The following MINDY2 variants were observed in gnomAD, a reference collection of about 807,000 sequenced individuals.
MINDY2 encodes MINDY lysine 48 deubiquitinase 2.
Under a neutral mutation model 68.2 loss-of-function variants are expected in MINDY2, and 52 were observed. The observed-to-expected ratio is 0.76, with a 90% CI of 0.61 to 0.96. The LOEUF (loss-of-function observed/expected upper bound fraction) is 0.96. MINDY2 is among the 40% of genes least tolerant of loss of function. The pLI, the probability that MINDY2 is intolerant of heterozygous loss-of-function variation, is 0.00. For synonymous variants in MINDY2, 372 were observed against 303.0 expected (o/e 1.23, Z -2.36); for missense variants, 881 against 773.4 (o/e 1.14, Z -1.65).
intron 6 of MINDY2, among the ~76,000 whole-genome samples, chr15:58,840,969 ATT>A (rs371021666): frequency 1.3e-4 from 17 of 132,438 alleles, no homozygotes; most frequent in Admixed American, 3.8e-4. Flanking sequence ...CGCCTGGCCA[ATT>A]TTTTTTTTTT....
intron 6 of MINDY2, among the ~76,000 whole-genome samples, chr15:58,833,352 G>A (rs1420117356): frequency 6.6e-6 from 1 of 152,152 alleles, no homozygotes; most frequent in African/African-American, 2.4e-5. Context: ...TGAAGGAGTG[G>A]GTTGCCCCTC....
chr15:58,851,929 AGCAGCTGC>A lies in MINDY2; in HGVS notation c.1702_1709del (p.Ala568CysfsTer27). The A allele has an allele frequency of 6.3e-7, 1 of 1,592,882 alleles. No homozygotes were observed. The highest frequency in any genetic ancestry group is 8.5e-7 in the Non-Finnish European group (1 of 1,174,830). On this transcript the variant is annotated frameshift_variant, in exon 8 of 9. Transcript: ENST00000559228. LOFTEE classifies it high-confidence loss of function. ...AATACTATCAGGAACAGGAACAAGCAGCAGCTGCTGCTGCTGCTGCTTCTACACAGGCT... is the reference window on the plus strand; with the variant it reads ...AATACTATCAGGAACAGGAACAAGCATGCTGCTGCTGCTTCTACACAGGCT...
rs2033006289 is a variant in MINDY2, at chr15:58,854,840, A to G, written c.*230A>G. The G allele has an allele frequency of 6.2e-6, 2 of 323,478 alleles. No homozygotes were observed. Among genetic ancestry groups the G allele is most frequent in the South Asian group, 1.0e-4 (2 of 19,968 alleles). 20.0% of individuals were successfully genotyped at this position (323,478 alleles called of 1,614,324 possible). On this transcript the variant is annotated 3_prime_UTR_variant, in exon 9 of 9. Transcript: ENST00000559228. ...CAAGTTGGAAATGCTGTGTGTTGAC[A>G]TTCATGAAAAATACTGCACTTGTAG...
chr15:58,847,080 G>A (rs962187794), intron 6 of MINDY2, among the ~76,000 whole-genome samples: 1 of 152,116 alleles, frequency 6.6e-6, no homozygotes, highest in South Asian at 2.1e-4. Flanking sequence ...CTTATTTCTT[G>A]TTATAGTGTA....
intron 1 of MINDY2, among the ~76,000 whole-genome samples, chr15:58,784,424 TATTA>T (rs1243365297): frequency 6.6e-6 from 1 of 152,196 alleles, no homozygotes; most frequent in Non-Finnish European, 1.5e-5. Context: ...ATTTGGCCTC[TATTA>T]ATTGGGAGCT....
At chr15:58,831,739 ATTC>A in intron 5 of MINDY2, 32 bp from the exon 6 acceptor site, 1 of 1,554,640 alleles carries the variant, frequency 6.4e-7, no homozygotes, top group Non-Finnish European at 8.7e-7. Context: ...TTTTGAAATT[ATTC>A]TTCTATCTAA....
At chr15:58,853,440 A>T (rs2140875846) in intron 8 of MINDY2, among the ~76,000 whole-genome samples, 1 of 152,244 alleles carries the variant, frequency 6.6e-6, no homozygotes, top group South Asian at 2.1e-4. Context: ...TGTTATGTGT[A>T]GGTTTTCACT....
At chr15:58,794,370 T>G (rs982351485) in intron 2 of MINDY2, among the ~76,000 whole-genome samples, 1 of 150,198 alleles carries the variant, frequency 6.7e-6, no homozygotes, top group African/African-American at 2.5e-5. Context: ...TGTGTGTGTG[T>G]GTGTGTGTGT....
In MINDY2 at chr15:58,861,176, T is replaced by C. The variant is rs1020686955; in HGVS notation, c.*6566T>C. On this transcript the variant is annotated 3_prime_UTR_variant, in exon 9 of 9. Transcript: ENST00000559228. ...ATATTTTGAGGAGTAGCAAGTGGAA[T>C]GGTATAATGACTACAGAGAAAATTA... The C allele has an allele frequency of 1.3e-5, 2 of 152,202 alleles. No individual in the cohort carries two copies. Among genetic ancestry groups the C allele is most frequent in the Non-Finnish European group, 2.9e-5 (2 of 68,036 alleles). The allele number at this position is 152,202 out of a possible 1,614,324, so 9.4% of individuals were successfully genotyped here. A position where few individuals can be genotyped will look rare whatever the true frequency, so the allele number is the denominator to read the frequency against.
In MINDY2 at chr15:58,771,734, G is replaced by A. The variant is rs772777415; in HGVS notation, c.339G>A (p.Glu113=). 1.2e-6 allele frequency: 2 copies of A among 1,611,874 alleles called. No homozygotes were observed. Among genetic ancestry groups the A allele is most frequent in the African/African-American group, 1.3e-5 (1 of 74,924 alleles). The change falls in exon 1 of 9, where the codon GAG becomes GAA. Residue 113 remains glutamate (E), a synonymous_variant. Coordinates refer to ENST00000559228, the MANE Select transcript of MINDY2 (RefSeq NM_001040450.3). ...AGTACAAGGTGACCGCCTCCCCGGA[G>A]ACAGCCGTGGCCGGAGTGGGTCATG... ...RGQYKVTASP[E]TAVAGVGHEL... is the part of the protein sequence containing the mutation.
At chr15:58,843,608 A>T (rs1165799224) in intron 6 of MINDY2, among the ~76,000 whole-genome samples, 1 of 152,098 alleles carries the variant, frequency 6.6e-6, no homozygotes, top group Non-Finnish European at 1.5e-5. Flanking sequence ...ACTTGTATTA[A>T]CAACATACCT....
intron 2 of MINDY2, among the ~76,000 whole-genome samples, chr15:58,791,810 AC>A (rs1213161030): frequency 6.6e-6 from 1 of 152,066 alleles, no homozygotes; most frequent in African/African-American, 2.4e-5. Flanking sequence ...ACATATATAA[AC>A]AGTAGTTAGA....
chr15:58,821,679 T>TC (rs1470108434), intron 4 of MINDY2, 38 bp from the exon 5 acceptor site: 1 of 1,308,106 alleles, frequency 7.6e-7, no homozygotes, highest in African/African-American at 1.5e-5. Context: ...TTGTTCCTAA[T>TC]CTTACCATGA....
intron 6 of MINDY2, among the ~76,000 whole-genome samples, chr15:58,840,053 C>T (rs1174392528): frequency 6.6e-6 from 1 of 152,126 alleles, no homozygotes; most frequent in Non-Finnish European, 1.5e-5. Flanking sequence ...AGCCTAGTCT[C>T]GAACTCCTGA....
At chr15:58,776,966 C>T (rs1900812402) in intron 1 of MINDY2, among the ~76,000 whole-genome samples, 1 of 152,090 alleles carries the variant, frequency 6.6e-6, no homozygotes, top group Non-Finnish European at 1.5e-5. Context: ...AACTATTGAA[C>T]TCATTAATAA....
chr15:58,848,833 T>G (rs2032669279), intron 7 of MINDY2, among the ~76,000 whole-genome samples: 1 of 152,252 alleles, frequency 6.6e-6, no homozygotes, highest in Admixed American at 6.5e-5. Context: ...TCGTGCTCAT[T>G]TTCCTTCAGA....
intron 4 of MINDY2, among the ~76,000 whole-genome samples, chr15:58,811,284 T>G (rs501165): frequency 0.26 from 39,663 of 152,152 alleles, 5,688 homozygotes; most frequent in East Asian, 0.61. Flanking sequence ...TCCATCACTC[T>G]AACTGTACAT....
chr15:58,791,662 ATGTG>A (rs1203541005), intron 2 of MINDY2, among the ~76,000 whole-genome samples: 7 of 64,464 alleles, frequency 1.1e-4, no homozygotes, highest in African/African-American at 4.5e-4. Context: ...GTGTGTGTGT[ATGTG>A]TGTGTGTGTA....
intron 3 of MINDY2, among the ~76,000 whole-genome samples, chr15:58,808,370 T>G (rs1044446931): frequency 1.3e-5 from 2 of 152,198 alleles, no homozygotes; most frequent in Admixed American, 6.5e-5. Context: ...TGCCTGTTCA[T>G]TCCTCCCTTC....
Sources: allele counts gnomAD v4.1 joint callset (sites outside exome capture counted in the v4.1 genomes callset), GRCh38; gene constraint gnomAD v4.1.1; transcripts MANE v1.5; gene names NCBI Gene and HGNC (gene_info 2026-07-23, HGNC 2026-07-21).